Variants in SUPT3H observed in about 807,000 individuals in gnomAD.
The protein encoded by SUPT3H is SPT3 homolog, SAGA and STAGA complex component.
Under a neutral mutation model 44.3 loss-of-function variants are expected in SUPT3H, and 44 were observed. The observed-to-expected ratio is 0.99, with a 90% confidence interval of 0.78 to 1.28. SUPT3H has a LOEUF of 1.28. SUPT3H is among the 50% of genes most tolerant of loss of function. SUPT3H has a pLI of 0.00. For synonymous variants in SUPT3H, 124 were observed against 125.6 expected (o/e 0.99, Z 0.09); for missense variants, 380 against 387.1 (o/e 0.98, Z 0.15).
chr6:45,226,619 A>T (rs1433306572), intron 2 of SUPT3H, among the ~76,000 whole-genome samples: 1 of 152,110 alleles, frequency 6.6e-6, no homozygotes, highest in East Asian at 1.9e-4. Flanking sequence ...GGCTCACTGC[A>T]ACCTCCGCAT....
intron 2 of SUPT3H, among the ~76,000 whole-genome samples, chr6:45,338,585 G>T: frequency 6.6e-6 from 1 of 152,118 alleles, no homozygotes; most frequent in Non-Finnish European, 1.5e-5. Flanking sequence ...TGCTGAACTG[G>T]AATTTAGGAA....
At chr6:44,987,217 A>G (rs1779935455) in intron 6 of SUPT3H, among the ~76,000 whole-genome samples, 2 of 146,826 alleles carry the variant, frequency 1.4e-5, no homozygotes, top group African/African-American at 5.1e-5. Context: ...AAACCTAATT[A>G]ACTCCCAAAG....
chr6:44,939,587 T>C (rs1406410176), intron 9 of SUPT3H, among the ~76,000 whole-genome samples: 1 of 152,086 alleles, frequency 6.6e-6, no homozygotes, highest in Non-Finnish European at 1.5e-5. Context: ...GAATTATTTA[T>C]GGAGAATTCC....
intron 3 of SUPT3H, among the ~76,000 whole-genome samples, chr6:45,092,347 A>C (rs1797232937): frequency 6.6e-6 from 1 of 152,224 alleles, no homozygotes; most frequent in African/African-American, 2.4e-5. Context: ...AAGTCAGTGA[A>C]AATTTTACTG....
At chr6:44,850,962 C>A (rs1220996390) in intron 10 of SUPT3H, among the ~76,000 whole-genome samples, 1 of 152,160 alleles carries the variant, frequency 6.6e-6, no homozygotes, top group East Asian at 1.9e-4. Context: ...TAGGAACCCA[C>A]CCATAGACCA....
At chr6:45,324,885 A>G (rs1786110476) in intron 2 of SUPT3H, among the ~76,000 whole-genome samples, 1 of 152,016 alleles carries the variant, frequency 6.6e-6, no homozygotes, top group Admixed American at 6.6e-5. Flanking sequence ...GCAGTTGTGT[A>G]CATAAACATA....
At chr6:45,287,086 C>T (rs1779428236) in intron 2 of SUPT3H, among the ~76,000 whole-genome samples, 1 of 151,948 alleles carries the variant, frequency 6.6e-6, no homozygotes, top group Non-Finnish European at 1.5e-5. Context: ...ACACCGGAGC[C>T]TGTTGTGGGG....
intron 6 of SUPT3H, among the ~76,000 whole-genome samples, chr6:44,991,128 A>T (rs1317124807): frequency 6.6e-6 from 1 of 152,100 alleles, no homozygotes; most frequent in Non-Finnish European, 1.5e-5. Context: ...ATGTAAAAGT[A>T]AGATATAATA....
intron 2 of SUPT3H, among the ~76,000 whole-genome samples, chr6:45,182,044 G>A (rs997657046): frequency 5.9e-5 from 9 of 152,052 alleles, no homozygotes; most frequent in Admixed American, 1.3e-4. Flanking sequence ...ATCATAATAC[G>A]TTTCCTTTTT....
intron 2 of SUPT3H, among the ~76,000 whole-genome samples, chr6:45,239,334 T>C (rs973554423): frequency 6.6e-6 from 1 of 152,210 alleles, no homozygotes; most frequent in South Asian, 2.1e-4. Flanking sequence ...AAATGGCTGA[T>C]TGCCTAGTTG....
intron 2 of SUPT3H, among the ~76,000 whole-genome samples, chr6:45,334,663 TTTGTC>T (rs1459910622): frequency 2.6e-5 from 4 of 151,154 alleles, no homozygotes; most frequent in African/African-American, 9.7e-5. Flanking sequence ...TCTGGCTATG[TTTGTC>T]TTAACATTTT....
At chr6:44,836,243 T>C (rs1360042475) in intron 10 of SUPT3H, among the ~76,000 whole-genome samples, 1 of 152,194 alleles carries the variant, frequency 6.6e-6, no homozygotes, top group African/African-American at 2.4e-5. Context: ...CTCCTTTTGA[T>C]AATTTCATTC....
chr6:45,306,065 G>A (rs1266284050), intron 2 of SUPT3H, among the ~76,000 whole-genome samples: 1 of 152,216 alleles, frequency 6.6e-6, no homozygotes, highest in Non-Finnish European at 1.5e-5. Context: ...CAACATGGCA[G>A]GTGAGGTGCC....
chr6:44,924,530 G>C (rs1769231282), intron 10 of SUPT3H, among the ~76,000 whole-genome samples: 1 of 152,002 alleles, frequency 6.6e-6, no homozygotes, highest in African/African-American at 2.4e-5. Context: ...TAAGAATACA[G>C]GTCAACCAAT....
At chr6:45,111,539 C>CCCCCCCCCCCACA (rs1800066126) in intron 2 of SUPT3H, among the ~76,000 whole-genome samples, 1 of 142,340 alleles carries the variant, frequency 7.0e-6, no homozygotes, top group Admixed American at 7.1e-5. Context: ...CTCCCCCCCG[C>CCCCCCCCCCCACA]AAAAAAAACA....
At chr6:45,191,337 C>T (rs1364562679) in intron 2 of SUPT3H, among the ~76,000 whole-genome samples, 1 of 151,862 alleles carries the variant, frequency 6.6e-6, no homozygotes. Context: ...ATATATGATT[C>T]CAACTATATG....
intron 2 of SUPT3H, among the ~76,000 whole-genome samples, chr6:45,155,763 G>A (rs751482369): frequency 3.9e-5 from 6 of 152,162 alleles, no homozygotes; most frequent in Non-Finnish European, 8.8e-5. Context: ...GGACTAAGGG[G>A]CAAGACTGAG....
intron 3 of SUPT3H, among the ~76,000 whole-genome samples, chr6:45,041,868 C>G (rs1788584727): frequency 6.6e-6 from 1 of 152,046 alleles, no homozygotes; most frequent in Non-Finnish European, 1.5e-5. Flanking sequence ...AATGGCTACT[C>G]CTTCTTAGGG....
intron 2 of SUPT3H, among the ~76,000 whole-genome samples, chr6:45,210,344 A>G (rs1008672966): frequency 4.6e-5 from 7 of 152,208 alleles, no homozygotes; most frequent in Non-Finnish European, 7.3e-5. Context: ...GGACAAATGC[A>G]TATCTGATTG....
Sources: gnomAD v4.1 joint callset for allele counts (sites outside exome capture counted in the v4.1 genomes callset) on GRCh38, gnomAD v4.1.1 for gene constraint, MANE v1.5 for transcripts, NCBI Gene and HGNC (gene_info 2026-07-23, HGNC 2026-07-21) for gene names.